NUDT7: variants seen among roughly 807,000 people sequenced by gnomAD.
NUDT7 encodes peroxisomal coenzyme A diphosphatase NUDT7.
Under a neutral mutation model 13.1 loss-of-function variants are expected in NUDT7, and 19 were observed. That is an observed-to-expected ratio of 1.45 (90% CI 1.01 to 2.13). The LOEUF (loss-of-function observed/expected upper bound fraction) is 2.13, where lower values mean the gene tolerates loss of function less well. Ranked by LOEUF, NUDT7 falls within the 30% of genes most tolerant of loss-of-function variation. The pLI is 0.00. For synonymous variants in NUDT7, 132 were observed against 109.7 expected (o/e 1.20, Z -1.27); for missense variants, 360 against 291.7 (o/e 1.23, Z -1.71).
chr16:77,740,062 T>G (rs1478954672), intron 3 of NUDT7, among the ~76,000 whole-genome samples: 2 of 152,064 alleles, frequency 1.3e-5, no homozygotes, highest in Non-Finnish European at 2.9e-5. Context: ...CCTGGAAAAC[T>G]CCATATTCAG....
intron 2 of NUDT7, among the ~76,000 whole-genome samples, chr16:77,734,382 G>C (rs1241041359): frequency 3.3e-5 from 5 of 152,144 alleles, no homozygotes; most frequent in Admixed American, 2.6e-4. Context: ...CCAGCACTTT[G>C]GGAGGCCGAG....
intron 2 of NUDT7, among the ~76,000 whole-genome samples, chr16:77,732,570 A>T (rs919596210): frequency 1.3e-5 from 2 of 152,138 alleles, no homozygotes; most frequent in African/African-American, 4.8e-5. Context: ...TTCCGTGTTT[A>T]GATGCACAAA....
intron 2 of NUDT7, among the ~76,000 whole-genome samples, chr16:77,730,035 C>G (rs1439607337): frequency 6.6e-6 from 1 of 151,876 alleles, no homozygotes; most frequent in Non-Finnish European, 1.5e-5. Flanking sequence ...TAACATATCA[C>G]CACACACATT....
intron 2 of NUDT7, among the ~76,000 whole-genome samples, chr16:77,729,016 G>A (rs904359449): frequency 3.3e-5 from 5 of 152,162 alleles, no homozygotes; most frequent in African/African-American, 1.2e-4. Flanking sequence ...CAGGAACAAA[G>A]CAAAGATTGA....
rs757485666 is a variant in NUDT7 at position 77,741,710 on chromosome 16, C to A, written c.477C>A (p.Asp159Glu). The part of the protein sequence containing the change: ...LAYFLHPQVH[D>E]QHYVTRLGHR... ...ATTTCCTGCATCCACAGGTCCATGA[C>A]CAGCATTACGTCACACGTCTTGGTC... Residue 159 changes from aspartate to glutamate, a missense_variant, in exon 4 of 4, where the codon GAC becomes GAA. Asp to Glu is a conservative substitution (Grantham distance 45). Coordinates refer to ENST00000268533, the MANE Select transcript of NUDT7 (RefSeq NM_001105663.3). 8 of 1,614,046 alleles carry A rather than the reference C, an allele frequency of 5.0e-6. No homozygotes were observed. The highest frequency in any genetic ancestry group is 6.8e-6 in the Non-Finnish European group (8 of 1,180,036).
In NUDT7 at chr16:77,736,005, A is replaced by C. The variant is rs372924070; in HGVS notation, c.348+19A>C. 113 of 1,611,744 alleles carry C rather than the reference A, an allele frequency of 7.0e-5. 1 individual carries two copies. Among genetic ancestry groups the C allele is most frequent in the African/African-American group, 6.7e-4 (50 of 74,918 alleles). ...TATTGATGTAAGGGTTTCCTGAGAC[A>C]CTCATGAGCACCGTCCCCACCCCCA... On this transcript the variant is annotated intron_variant, in intron 3 of 3. Transcript: ENST00000268533.
intron 1 of NUDT7, among the ~76,000 whole-genome samples, 196 bp downstream of exon 1, chr16:77,722,813 G>C (rs969683423): frequency 3.3e-5 from 5 of 152,196 alleles, no homozygotes; most frequent in African/African-American, 7.2e-5. Context: ...GCCAGGAACA[G>C]AGCCGGCTTA....
At chr16:77,723,666 A>G (rs960887656) in intron 1 of NUDT7, among the ~76,000 whole-genome samples, 4 of 144,526 alleles carry the variant, frequency 2.8e-5, no homozygotes, top group Non-Finnish European at 5.9e-5. Flanking sequence ...ATCTCGGCTC[A>G]CTGCAGCCTC....
intron 3 of NUDT7, among the ~76,000 whole-genome samples, chr16:77,739,624 C>A (rs990667157): frequency 3.3e-5 from 5 of 152,130 alleles, no homozygotes; most frequent in Admixed American, 3.3e-4. Context: ...ACTAAGCATG[C>A]CCTAACCTCC....
At chr16:77,739,132 C>T (rs927779855) in intron 3 of NUDT7, among the ~76,000 whole-genome samples, 1 of 152,198 alleles carries the variant, frequency 6.6e-6, no homozygotes, top group African/African-American at 2.4e-5. Flanking sequence ...TGATAACTCA[C>T]TGTTACCAGA....
At chr16:77,726,781 C>T (rs536041043) in intron 2 of NUDT7, among the ~76,000 whole-genome samples, 5 of 151,816 alleles carry the variant, frequency 3.3e-5, no homozygotes, top group South Asian at 2.1e-4. Flanking sequence ...TGAGGAACAG[C>T]GAGACTCCAT....
chr16:77,730,927 A>ATTTT (rs71984117), intron 2 of NUDT7, among the ~76,000 whole-genome samples: 22 of 150,798 alleles, frequency 1.5e-4, no homozygotes, highest in African/African-American at 4.4e-4. Context: ...CCATTTTTAA[A>ATTTT]TTTTTTTTTA....
intron 2 of NUDT7, among the ~76,000 whole-genome samples, chr16:77,733,194 A>T (rs8059966): frequency 0.096 from 14,655 of 152,234 alleles, 815 homozygotes; most frequent in African/African-American, 0.15. Flanking sequence ...TGGCATTGTC[A>T]TAGTCCTCTC....
chr16:77,739,720 A>G (rs1049887931), intron 3 of NUDT7, among the ~76,000 whole-genome samples: 4 of 152,088 alleles, frequency 2.6e-5, no homozygotes, highest in Non-Finnish European at 5.9e-5. Context: ...GCCTCTGACA[A>G]CACTTGGCAG....
chr16:77,740,986 T>A (rs535361862), intron 3 of NUDT7, among the ~76,000 whole-genome samples: 80 of 152,366 alleles, frequency 5.3e-4, no homozygotes, highest in South Asian at 3.5e-3. Context: ...GTATGTACTA[T>A]GAAATTTTTC....
At chr16:77,736,717 C>T in intron 3 of NUDT7, 1 of 270,548 alleles carries the variant, frequency 3.7e-6, no homozygotes. Flanking sequence ...CCTCCCACCT[C>T]AGCCTCCCAA....
chr16:77,731,720 G>A (rs991407313), intron 2 of NUDT7, among the ~76,000 whole-genome samples: 1 of 152,144 alleles, frequency 6.6e-6, no homozygotes, highest in Non-Finnish European at 1.5e-5. Context: ...TATTGTAGGA[G>A]ATGAGAGCTC....
intron 3 of NUDT7, among the ~76,000 whole-genome samples, chr16:77,739,696 G>T (rs750441429): frequency 2.0e-5 from 3 of 152,100 alleles, no homozygotes; most frequent in Non-Finnish European, 4.4e-5. Context: ...AGATGGAGTT[G>T]CTCTGGTTCA....
At chr16:77,724,254 TTTC>T (rs1384449004) in intron 1 of NUDT7, among the ~76,000 whole-genome samples, 2 of 152,062 alleles carry the variant, frequency 1.3e-5, no homozygotes, top group Non-Finnish European at 2.9e-5. Flanking sequence ...CTCCATGTTT[TTTC>T]TTCTTTTATT....
Sources: allele counts gnomAD v4.1 joint callset (sites outside exome capture counted in the v4.1 genomes callset), GRCh38; gene constraint gnomAD v4.1.1; transcripts MANE v1.5; gene names NCBI Gene and HGNC (gene_info 2026-07-23, HGNC 2026-07-21).